The following FAM83B variants were observed in gnomAD, a reference collection of about 807,000 sequenced individuals.
FAM83B encodes the protein protein FAM83B.
A neutral mutation model predicts 38.8 loss-of-function variants in FAM83B; 26 were observed. That is an observed-to-expected ratio of 0.67 (90% CI 0.49 to 0.93). The LOEUF is 0.93. Ranked by LOEUF, FAM83B falls within the 40% of genes least tolerant of loss-of-function variation. The pLI is 0.00. For synonymous variants in FAM83B, 419 were observed against 423.1 expected, an observed-to-expected ratio of 0.99 and a Z score of 0.12; for missense variants, 1,237 against 1,197.3, an observed-to-expected ratio of 1.03 and a Z score of -0.49.
At chr6:54,886,065 T>C (rs2127579117) in intron 2 of FAM83B, among the ~76,000 whole-genome samples, 1 of 152,270 alleles carries the variant, frequency 6.6e-6, no homozygotes, top group African/African-American at 2.4e-5. Flanking sequence ...TTCTCCTTTA[T>C]TCTGGTAATA....
chr6:54,865,092 G>A (rs534355430), intron 1 of FAM83B, among the ~76,000 whole-genome samples: 3 of 152,196 alleles, frequency 2.0e-5, no homozygotes, highest in South Asian at 2.1e-4. Context: ...ATTTTTGTAC[G>A]CATTTGTATC....
intron 2 of FAM83B, among the ~76,000 whole-genome samples, chr6:54,890,115 G>A (rs894333373): frequency 6.6e-6 from 1 of 151,986 alleles, no homozygotes; most frequent in Non-Finnish European, 1.5e-5. Context: ...GAAAATAATT[G>A]TATTGTAGAA....
At chr6:54,872,773 C>A (rs1771889846) in intron 2 of FAM83B, among the ~76,000 whole-genome samples, 1 of 152,146 alleles carries the variant, frequency 6.6e-6, no homozygotes, top group African/African-American at 2.4e-5. Flanking sequence ...AATTAGCGAG[C>A]TGAAGAAATT....
intron 2 of FAM83B, among the ~76,000 whole-genome samples, chr6:54,892,134 C>G (rs941766660): frequency 2.0e-5 from 3 of 152,182 alleles, no homozygotes; most frequent in Non-Finnish European, 4.4e-5. Flanking sequence ...TGAATGATCA[C>G]TGATAATGTC....
In FAM83B at chr6:54,858,953, T is replaced by G. The variant is rs545001058; in HGVS notation, c.-60-11234T>G. Among the ~76,000 whole-genome samples, 102 of 152,296 alleles carry G rather than the reference T, an allele frequency of 6.7e-4. 1 individual carries two copies. Among genetic ancestry groups the G allele is most frequent in the Non-Finnish European group, 9.4e-4 (64 of 68,022 alleles). ...TGAAGCCCTTTATAAATGGGTAATA[T>G]TTTATATTACCAAAAACCTAACCTC... On this transcript the variant is annotated intron_variant, in intron 1 of 4. Coordinates refer to ENST00000306858, the MANE Select transcript of FAM83B (RefSeq NM_001010872.3).
chr6:54,940,440 C>A lies in FAM83B; in HGVS notation c.1469C>A (p.Ser490Ter). Reference sequence around the variant, plus strand: ...CCAACCCTTGAACATACCACAAAGTCATTCCTACGTAACTGGAGAATTGAA... The same window carrying A: ...CCAACCCTTGAACATACCACAAAGTAATTCCTACGTAACTGGAGAATTGAA... The part of the protein sequence containing the change: ...RMPTLEHTTK[S>*]FLRNWRIESY... Residue 490 changes from serine to a stop codon, truncating the protein, a stop_gained, in exon 5 of 5, where the codon TCA (serine) becomes TAA (stop). Coordinates refer to ENST00000306858, the MANE Select transcript of FAM83B (RefSeq NM_001010872.3). LOFTEE classifies it low-confidence loss of function (END_TRUNC). 1 of 1,614,054 alleles carries A rather than the reference C, an allele frequency of 6.2e-7. No individual in the cohort carries two copies. The highest frequency in any genetic ancestry group is 1.1e-5 in the South Asian group (1 of 91,068).
intron 1 of FAM83B, among the ~76,000 whole-genome samples, chr6:54,847,263 G>A (rs868170242): frequency 6.6e-6 from 1 of 152,054 alleles, no homozygotes; most frequent in Non-Finnish European, 1.5e-5. Flanking sequence ...TGGAAGCAGA[G>A]GGCATGGGGG....
chr6:54,928,315 C>G (rs1037155954), intron 4 of FAM83B, among the ~76,000 whole-genome samples: 2 of 152,142 alleles, frequency 1.3e-5, no homozygotes, highest in African/African-American at 4.8e-5. Flanking sequence ...TAAGGCGAAA[C>G]CTTTGTCTCC....
intron 2 of FAM83B, among the ~76,000 whole-genome samples, chr6:54,909,843 C>A (rs1772865304): frequency 6.6e-6 from 1 of 152,004 alleles, no homozygotes; most frequent in African/African-American, 2.4e-5. Flanking sequence ...GAAGCCTGTG[C>A]CTTTAAAGAT....
chr6:54,877,235 C>T (rs1772018418), intron 2 of FAM83B, among the ~76,000 whole-genome samples: 1 of 152,178 alleles, frequency 6.6e-6, no homozygotes, highest in South Asian at 2.1e-4. Context: ...ATTCTTTAGG[C>T]ATTTGTTATA....
chr6:54,895,823 C>A (rs1434727674), intron 2 of FAM83B, among the ~76,000 whole-genome samples: 1 of 152,022 alleles, frequency 6.6e-6, no homozygotes, highest in Non-Finnish European at 1.5e-5. Context: ...TCACTGCAAC[C>A]TCCGCCTCCC....
intron 2 of FAM83B, among the ~76,000 whole-genome samples, chr6:54,885,289 G>A (rs1772248582): frequency 6.6e-6 from 1 of 152,006 alleles, no homozygotes; most frequent in African/African-American, 2.4e-5. Flanking sequence ...ATTAAGTTAT[G>A]TTTAATTTTG....
upstream of FAM83B, among the ~76,000 whole-genome samples, chr6:54,846,268 G>A (rs972396742): frequency 6.6e-6 from 1 of 152,162 alleles, no homozygotes; most frequent in Non-Finnish European, 1.5e-5. Context: ...GGCTGAATCC[G>A]CCCCACACTC....
intron 1 of FAM83B, among the ~76,000 whole-genome samples, chr6:54,865,007 C>T (rs1771667062): frequency 6.6e-6 from 1 of 152,090 alleles, no homozygotes; most frequent in Admixed American, 6.6e-5. Context: ...CTGCAAAAAC[C>T]AATCATTTCT....
intron 2 of FAM83B, among the ~76,000 whole-genome samples, chr6:54,906,053 GAAAAAAA>G: frequency 7.8e-6 from 1 of 128,968 alleles, no homozygotes; most frequent in African/African-American, 2.7e-5. Flanking sequence ...CCTACTATTC[GAAAAAAA>G]AAAAAAAAGT....
At chr6:54,925,387 C>T (rs1046612580) in intron 2 of FAM83B, among the ~76,000 whole-genome samples, 8 of 152,100 alleles carry the variant, frequency 5.3e-5, no homozygotes, top group African/African-American at 9.7e-5. Context: ...TCTTGCATGG[C>T]CCATAGTAGG....
intron 2 of FAM83B, among the ~76,000 whole-genome samples, chr6:54,914,328 A>C (rs997386773): frequency 6.6e-6 from 1 of 152,204 alleles, no homozygotes; most frequent in East Asian, 1.9e-4. Context: ...GCCAAGTTTC[A>C]TGACATAATA....
chr6:54,873,690 G>GT (rs34408059), intron 2 of FAM83B, among the ~76,000 whole-genome samples: 49,658 of 137,068 alleles, frequency 0.36, 9,162 homozygotes, highest in East Asian at 0.79. Flanking sequence ...AATGGATAAA[G>GT]TTTTTTTTTT....
intron 4 of FAM83B, among the ~76,000 whole-genome samples, chr6:54,936,257 CA>C (rs1773521042): frequency 6.6e-6 from 1 of 152,032 alleles, no homozygotes; most frequent in Admixed American, 6.6e-5. Flanking sequence ...GAAACTTTTC[CA>C]ATTGCCACAC....
Sources: allele counts gnomAD v4.1 joint callset (sites outside exome capture counted in the v4.1 genomes callset), GRCh38; gene constraint gnomAD v4.1.1; transcripts MANE v1.5; gene names NCBI Gene and HGNC (gene_info 2026-07-23, HGNC 2026-07-21).